The following ELAPOR1 variants were observed in gnomAD, a reference collection of about 807,000 sequenced individuals.
ELAPOR1 encodes the protein endosome-lysosome associated apoptosis and autophagy regulator 1.
In ELAPOR1, 77 loss-of-function variants were observed where a neutral mutation model predicts 119.7. That is an observed-to-expected ratio of 0.64 (90% CI 0.54 to 0.78). The LOEUF is 0.78. Ranked by LOEUF, ELAPOR1 falls within the 30% of genes least tolerant of loss-of-function variation. The probability of loss-of-function intolerance (pLI) is 0.00; values close to 1 mark genes in which losing one functional copy is unlikely to be tolerated. For missense variants in ELAPOR1, 1,115 were observed against 1,270.4 expected, an observed-to-expected ratio of 0.88 and a Z score of 1.86; for synonymous variants, 481 against 487.2, an observed-to-expected ratio of 0.99 and a Z score of 0.17.
chr1:109,116,391 C>A (rs1412158462), intron 1 of ELAPOR1, among the ~76,000 whole-genome samples: 1 of 152,166 alleles, frequency 6.6e-6, no homozygotes, highest in African/African-American at 2.4e-5. Context: ...AAGAGAGTTA[C>A]CCACCCTCCT....
intron 1 of ELAPOR1, among the ~76,000 whole-genome samples, chr1:109,120,790 C>T (rs1412844357): frequency 6.6e-6 from 1 of 152,046 alleles, no homozygotes; most frequent in Non-Finnish European, 1.5e-5. Context: ...TCTGATGTGT[C>T]GCAGGTGGGA....
rs1420574599 is a variant in ELAPOR1 at position 109,191,743 on chromosome 1, C to A, written c.1563C>A (p.Thr521=). 6.2e-7 allele frequency: 1 copy of A among 1,614,064 alleles called. No homozygotes were observed. The highest frequency in any genetic ancestry group is 8.5e-7 in the Non-Finnish European group (1 of 1,180,024). Residue 521 remains threonine, a synonymous_variant, in exon 13 of 22, where the codon ACC becomes ACA. Transcript: ENST00000369939. ...GGGTTCAGGGTGTGAATTCTAGGACCAACACTCCTGTGGAGACGTGGAAAG... is the reference window on the plus strand; with the variant it reads ...GGGTTCAGGGTGTGAATTCTAGGACAAACACTCCTGTGGAGACGTGGAAAG... ...LYFMVGVNSR[T]NTPVETWKGS... is the part of the protein sequence containing the mutation.
At chr1:109,172,720 T>C in intron 5 of ELAPOR1, 152 bp downstream of exon 5, 1 of 633,774 alleles carries the variant, frequency 1.6e-6, no homozygotes, top group Non-Finnish European at 2.8e-6. Context: ...TACTGTCCTC[T>C]AGCATTGACA....
At chr1:109,181,055 A>G (rs536965366) in intron 7 of ELAPOR1, among the ~76,000 whole-genome samples, 4 of 152,320 alleles carry the variant, frequency 2.6e-5, no homozygotes, top group African/African-American at 9.6e-5. Flanking sequence ...ACATGATCTC[A>G]TTTATTACCT....
In ELAPOR1 at chr1:109,173,533, G is replaced by C; in HGVS notation, c.756G>C (p.Trp252Cys). 2 of 1,614,168 alleles carry C rather than the reference G, an allele frequency of 1.2e-6. No homozygotes were observed. The highest frequency in any genetic ancestry group is 1.7e-6 in the Non-Finnish European group (2 of 1,180,030). ...GGAGAACCACAGCCTTCTCAGTATG[G>C]ACCAAAGTACCCAAGCCTGTGCTGG... is the stretch of plus-strand genomic sequence containing the variant. ...LYWRTTAFSV[W>C]TKVPKPVLVR... is the part of the protein sequence containing the mutation. Residue 252 changes from tryptophan (W) to cysteine (C), a missense_variant, in exon 6 of 22, where the codon TGG becomes TGC. By Grantham distance (215) the Trp-to-Cys change is radical (BLOSUM62 -2). Transcript: ENST00000369939.
In ELAPOR1 at chr1:109,189,603, G is replaced by C; in HGVS notation, c.1360G>C (p.Ala454Pro). The C allele has an allele frequency of 6.2e-7, 1 of 1,613,912 alleles. No individual in the cohort carries two copies. Among genetic ancestry groups the C allele is most frequent in the Non-Finnish European group, 8.5e-7 (1 of 1,179,920 alleles). Residue 454 changes from alanine to proline, a missense_variant, in exon 11 of 22, where the codon GCT becomes CCT. Ala to Pro is a conservative substitution (Grantham distance 27). Transcript: ENST00000369939. ...EYKGMTGWEV[A>P]GDHIYTAAGA... Reference sequence around the variant, plus strand: ...TCTTTCCTTTTCAGGCTGGGAGGTGGCTGGTGATCACATTTACACAGCTGC... The same window carrying C: ...TCTTTCCTTTTCAGGCTGGGAGGTGCCTGGTGATCACATTTACACAGCTGC...
intron 14 of ELAPOR1, among the ~76,000 whole-genome samples, chr1:109,193,771 G>A (rs571546625): frequency 2.6e-5 from 4 of 152,264 alleles, no homozygotes; most frequent in Non-Finnish European, 4.4e-5. Context: ...TAAGTGCAGC[G>A]ATTCTACAGA....
At chr1:109,138,570 CCAGCAGCAGCAG>C (rs71069652) in intron 1 of ELAPOR1, among the ~76,000 whole-genome samples, 1 of 151,078 alleles carries the variant, frequency 6.6e-6, no homozygotes, top group Non-Finnish European at 1.5e-5. Context: ...TCCCTCCCCA[CCAGCAGCAGCAG>C]CAGCAGCAGC....
intron 17 of ELAPOR1, 88 bp downstream of exon 17, chr1:109,198,163 G>C (rs937519333): frequency 9.9e-7 from 1 of 1,005,894 alleles, no homozygotes; most frequent in African/African-American, 1.6e-5. Context: ...GCCACCTACT[G>C]CTTATCAAGC....
intron 1 of ELAPOR1, among the ~76,000 whole-genome samples, chr1:109,138,594 G>GCAGCAGCAGCAGCA (rs1553251171): frequency 6.6e-6 from 1 of 152,072 alleles, no homozygotes; most frequent in Non-Finnish European, 1.5e-5. Context: ...AGCAGCAGCA[G>GCAGCAGCAGCAGCA]GCTAAAACTT....
intron 1 of ELAPOR1, among the ~76,000 whole-genome samples, chr1:109,145,936 C>A (rs1034249261): frequency 6.6e-5 from 10 of 151,984 alleles, no homozygotes; most frequent in Admixed American, 5.9e-4. Flanking sequence ...AGTGGGATTT[C>A]TGAAGAGAGA....
intron 1 of ELAPOR1, among the ~76,000 whole-genome samples, chr1:109,155,049 A>G (rs1650787128): frequency 6.6e-6 from 1 of 151,808 alleles, no homozygotes; most frequent in African/African-American, 2.4e-5. Context: ...TTGCTAGCAC[A>G]CTCCCCACCA....
intron 1 of ELAPOR1, among the ~76,000 whole-genome samples, chr1:109,157,567 G>A (rs1372119737): frequency 1.3e-5 from 2 of 152,138 alleles, no homozygotes; most frequent in Non-Finnish European, 2.9e-5. Flanking sequence ...CTTATGAATA[G>A]CCTGCATAAC....
At chr1:109,179,765 G>A (rs996913150) in intron 7 of ELAPOR1, among the ~76,000 whole-genome samples, 1 of 151,970 alleles carries the variant, frequency 6.6e-6, no homozygotes, top group Non-Finnish European at 1.5e-5. Flanking sequence ...AATTAGCTGG[G>A]TGTGGTGGCA....
rs1313745732 is a variant in ELAPOR1 at position 109,198,577 on chromosome 1, A to G, written c.2404A>G (p.Asn802Asp). 6.2e-7 allele frequency: 1 copy of G among 1,613,074 alleles called. No individual in the cohort carries two copies. Among genetic ancestry groups the G allele is most frequent in the Non-Finnish European group, 8.5e-7 (1 of 1,179,572 alleles). Residue 802 changes from asparagine to aspartate, a missense_variant, in exon 18 of 22, where the codon AAT becomes GAT. By Grantham distance (23) the Asn-to-Asp change is conservative. Transcript: ENST00000369939. ...IPDVIFFYRS[N>D]DVTQSCSSGR... Reference sequence around the variant, plus strand: ...GGGGGCTGGCTTTCTCTGCAGGTCCAATGATGTGACCCAGTCCTGCAGTTC... The same window carrying G: ...GGGGGCTGGCTTTCTCTGCAGGTCCGATGATGTGACCCAGTCCTGCAGTTC...
intron 1 of ELAPOR1, among the ~76,000 whole-genome samples, chr1:109,132,656 A>T (rs1311097022): frequency 6.6e-6 from 1 of 152,190 alleles, no homozygotes; most frequent in Non-Finnish European, 1.5e-5. Context: ...GAATGTCCAG[A>T]AGTAATAAGC....
chr1:109,154,281 CAAAAAAAA>C (rs745938875), intron 1 of ELAPOR1, among the ~76,000 whole-genome samples: 1 of 39,744 alleles, frequency 2.5e-5, no homozygotes, highest in Non-Finnish European at 5.4e-5. Flanking sequence ...AACTCCGTCT[CAAAAAAAA>C]AAAAAAAAAA....
intron 8 of ELAPOR1, 188 bp from the exon 9 acceptor site, chr1:109,187,989 A>G: frequency 1.5e-6 from 2 of 1,359,870 alleles, no homozygotes; most frequent in East Asian, 2.6e-5. Context: ...ATTGAACACA[A>G]CCATGACTCA....
In ELAPOR1 at chr1:109,205,848, GT is replaced by G. The variant is rs1654457012; in HGVS notation, c.*2837del. 1 of 152,248 alleles carries G rather than the reference GT, an allele frequency of 6.6e-6. No individual in the cohort carries two copies. The highest frequency in any genetic ancestry group is 2.1e-4 in the South Asian group (1 of 4,830). The allele number at this position is 152,248 out of a possible 1,614,324, so 9.4% of individuals were successfully genotyped here. A position where few individuals can be genotyped will look rare whatever the true frequency, so the allele number is the denominator to read the frequency against. On this transcript the variant is annotated 3_prime_UTR_variant, in exon 22 of 22. Coordinates refer to ENST00000369939, the MANE Select transcript of ELAPOR1 (RefSeq NM_020775.5). Reference sequence around the variant, plus strand: ...GGAACTCCTGAGTTACGCTACTGGGGTCACCTGTTGCTCCCCTAGCAAGTTA... The same window carrying G: ...GGAACTCCTGAGTTACGCTACTGGGGCACCTGTTGCTCCCCTAGCAAGTTA...
Sources: allele counts gnomAD v4.1 joint callset (sites outside exome capture counted in the v4.1 genomes callset), GRCh38; gene constraint gnomAD v4.1.1; transcripts MANE v1.5; gene names NCBI Gene and HGNC (gene_info 2026-07-23, HGNC 2026-07-21).